The following DPYSL5 variants were observed in gnomAD, a reference collection of about 807,000 sequenced individuals.
DPYSL5 encodes the protein dihydropyrimidinase like 5.
A neutral mutation model predicts 58.4 loss-of-function variants in DPYSL5; 9 were observed. The observed-to-expected ratio is 0.15, with a 90% CI of 0.09 to 0.27. The LOEUF is 0.27. DPYSL5 is among the 10% of genes least tolerant of loss of function. The pLI, the probability that DPYSL5 is intolerant of heterozygous loss-of-function variation, is 1.00. For missense variants in DPYSL5, 499 were observed against 770.6 expected (o/e 0.65, Z 4.17); for synonymous variants, 293 against 301.9 (o/e 0.97, Z 0.31).
intron 2 of DPYSL5, among the ~76,000 whole-genome samples, chr2:26,911,795 C>T (rs1334536979): frequency 6.6e-6 from 1 of 152,166 alleles, no homozygotes; most frequent in Non-Finnish European, 1.5e-5. Context: ...TGGGCTGGAG[C>T]TTCTCTTTTC....
chr2:26,865,312 C>CTT lies in DPYSL5; in HGVS notation c.-5+17083_-5+17084dup, dbSNP rs1192892146. 5.5e-4 allele frequency among the ~76,000 whole-genome samples: 49 copies of CTT among 89,572 alleles called. 1 individual carries two copies. Among genetic ancestry groups the CTT allele is most frequent in the East Asian group, 7.8e-4 (2 of 2,552 alleles). The allele number at this position is 89,572 out of a possible 152,430, so 58.8% of individuals were successfully genotyped here. On this transcript the variant is annotated intron_variant, in intron 1 of 12. Coordinates refer to ENST00000288699, the MANE Select transcript of DPYSL5 (RefSeq NM_020134.4). ...AGATGTGGAGATAGGGTTTTGTGTT[C>CTT]TTTTTTTTTTTTTTTTTTTTTTTTT...
In DPYSL5 at chr2:26,898,689, G is replaced by A. The variant is rs751179282; in HGVS notation, c.190G>A (p.Asp64Asn). 1.2e-6 allele frequency: 2 copies of A among 1,614,140 alleles called. No individual in the cohort carries two copies. The highest frequency in any genetic ancestry group is 8.5e-7 in the Non-Finnish European group (1 of 1,180,010). ...AAAACTGGTGATCCCTGGTGGCATC[G>A]ACACCAGCACCCACTTCCACCAGAC... ...TGKLVIPGGI[D>N]TSTHFHQTFM... Residue 64 changes from aspartate (D) to asparagine (N), a missense_variant, in exon 2 of 13, where the codon GAC becomes AAC. Physicochemically the swap from Asp to Asn is conservative, Grantham distance 23. Transcript: ENST00000288699. The surrounding 1 kb of genome is among the most constrained non-coding windows in gnomAD (Gnocchi z 6.1).
At chr2:26,870,997 C>T (rs1326856881) in intron 1 of DPYSL5, among the ~76,000 whole-genome samples, 1 of 152,214 alleles carries the variant, frequency 6.6e-6, no homozygotes, top group Admixed American at 6.5e-5. Context: ...CTCAGTCATA[C>T]GAACCACCTT....
intron 5 of DPYSL5, among the ~76,000 whole-genome samples, chr2:26,928,965 T>A (rs1664901651): frequency 6.6e-6 from 1 of 151,670 alleles, no homozygotes; most frequent in African/African-American, 2.4e-5. Context: ...GGGATGACAT[T>A]CCTTTGAGCA....
intron 2 of DPYSL5, among the ~76,000 whole-genome samples, chr2:26,907,673 T>A (rs1664330306): frequency 6.6e-6 from 1 of 152,116 alleles, no homozygotes; most frequent in South Asian, 2.1e-4. Context: ...GCCATCTCTC[T>A]CCACCCCTGC....
chr2:26,936,774 T>A (rs1395034112), intron 8 of DPYSL5, among the ~76,000 whole-genome samples: 1 of 151,204 alleles, frequency 6.6e-6, no homozygotes, highest in Non-Finnish European at 1.5e-5. Context: ...GGTAAAATCC[T>A]GTCTCTACTA....
In DPYSL5 at chr2:26,934,427, C is replaced by A; in HGVS notation, c.791-151C>A. The A allele has an allele frequency of 1.1e-6, 1 of 921,106 alleles. No homozygotes were observed. The highest frequency in any genetic ancestry group is 1.8e-5 in the South Asian group (1 of 55,816). 57.1% of individuals were successfully genotyped at this position (921,106 alleles called of 1,614,324 possible). A position where few individuals can be genotyped will look rare whatever the true frequency, so the allele number is the denominator to read the frequency against. ...AATAGGGAGGCTCTCTGGGCTTGAA[C>A]CCAGCTGTGCTCTTAAAAGCCCTGT... On this transcript the variant is annotated intron_variant, in intron 7 of 12. Transcript: ENST00000288699. This position sits in a 1 kb window ranked among gnomAD's most constrained non-coding sequence, Gnocchi z 4.3.
In DPYSL5 at chr2:26,949,711, G is replaced by A. The variant is rs1343674282; in HGVS notation, c.*2716G>A. The A allele has an allele frequency of 6.6e-6, 1 of 152,254 alleles. No homozygotes were observed. Among genetic ancestry groups the A allele is most frequent in the African/African-American group, 2.4e-5 (1 of 41,424 alleles). 9.4% of individuals were successfully genotyped at this position (152,254 alleles called of 1,614,324 possible). A position where few individuals can be genotyped will look rare whatever the true frequency, so the allele number is the denominator to read the frequency against. Reference sequence around the variant, plus strand: ...AGGCCATGCGCTTCATCCACCCCCAGTCCCTACATAGGCCCTACCCTTGCC... The same window carrying A: ...AGGCCATGCGCTTCATCCACCCCCAATCCCTACATAGGCCCTACCCTTGCC... On this transcript the variant is annotated 3_prime_UTR_variant, in exon 13 of 13. Transcript: ENST00000288699.
At position 26,944,963 on chromosome 2, in the gene DPYSL5, G is replaced by A; in HGVS notation, c.1609+139G>A. ...ATTTCCAGGGATGAGTGCTGGTTTG[G>A]ATATTAGACTCACATAGACATTAGT... is the stretch of plus-strand genomic sequence containing the variant. On this transcript the variant is annotated intron_variant, in intron 12 of 12. Coordinates refer to ENST00000288699, the MANE Select transcript of DPYSL5 (RefSeq NM_020134.4). The surrounding 1 kb of genome is among the most constrained non-coding windows in gnomAD (Gnocchi z 4.4). 1 of 822,436 alleles carries A rather than the reference G, an allele frequency of 1.2e-6. No individual in the cohort carries two copies. Among genetic ancestry groups the A allele is most frequent in the Non-Finnish European group, 1.9e-6 (1 of 532,650 alleles). The allele number at this position is 822,436 out of a possible 1,614,324, so 50.9% of individuals were successfully genotyped here.
chr2:26,933,227 C>G lies in DPYSL5; in HGVS notation c.715-31C>G. ...TGCTTGTGAAGTTTATGGGTCAACC[C>G]TCCCTACTTCCCACTGTTTCTTGTG... On this transcript the variant is annotated intron_variant, in intron 6 of 12. Coordinates refer to ENST00000288699, the MANE Select transcript of DPYSL5 (RefSeq NM_020134.4). This position sits in a 1 kb window ranked among gnomAD's most constrained non-coding sequence, Gnocchi z 4.2. 3 of 1,607,204 alleles carry G rather than the reference C, an allele frequency of 1.9e-6. No individual in the cohort carries two copies. Among genetic ancestry groups the G allele is most frequent in the Non-Finnish European group, 2.6e-6 (3 of 1,173,686 alleles).
rs570556616 is a variant in DPYSL5, at chr2:26,943,169, T to C, written c.1440+419T>C. ...TAGAGCTGGCATTTGCAAAGCATTG[T>C]CTGAAGCACAGGAGGAGCAGGCACC... On this transcript the variant is annotated intron_variant, in intron 11 of 12. Coordinates refer to ENST00000288699, the MANE Select transcript of DPYSL5 (RefSeq NM_020134.4). 3.3e-5 allele frequency among the ~76,000 whole-genome samples: 5 copies of C among 152,198 alleles called. No homozygotes were observed. In the Middle Eastern group the frequency reaches 0.01, roughly 311 times the overall value.
At chr2:26,880,749 T>C (rs1663540222) in intron 1 of DPYSL5, among the ~76,000 whole-genome samples, 1 of 152,184 alleles carries the variant, frequency 6.6e-6, no homozygotes, top group African/African-American at 2.4e-5. Context: ...CACTCACAGC[T>C]CAGAGTCCGT....
At chr2:26,854,326 G>A (rs1180309244) in intron 1 of DPYSL5, among the ~76,000 whole-genome samples, 3 of 152,126 alleles carry the variant, frequency 2.0e-5, no homozygotes, top group African/African-American at 7.2e-5. Context: ...AGGCATGGTG[G>A]CATATACCTG....
chr2:26,940,983 C>A lies in DPYSL5; in HGVS notation c.1089+811C>A, dbSNP rs929244260. 4.7e-5 allele frequency among the ~76,000 whole-genome samples: 7 copies of A among 148,778 alleles called. No individual in the cohort carries two copies. In the South Asian group the frequency reaches 1.5e-3, roughly 32 times the overall value. On this transcript the variant is annotated intron_variant, in intron 9 of 12. Transcript: ENST00000288699. ...ATAGAATCTCCCTCTGTTGCCCGGGCTGGAGTACAATGGCGCTGTCTCGGC... is the reference window on the plus strand; with the variant it reads ...ATAGAATCTCCCTCTGTTGCCCGGGATGGAGTACAATGGCGCTGTCTCGGC...
intron 6 of DPYSL5, among the ~76,000 whole-genome samples, chr2:26,932,529 C>T (rs1055672204): frequency 1.4e-4 from 21 of 152,312 alleles, no homozygotes; most frequent in African/African-American, 4.8e-4. Context: ...GAGCTCTGGC[C>T]GCTGGACAAG....
Position 26,944,917 on chromosome 2 carries a change from C to T in DPYSL5, c.1609+93C>T. ...CTTACGCCTGCTTTTCTTTTGTGTCCTCTCCTCCCTCCCGTTGCCTATTTC... is the reference window on the plus strand; with the variant it reads ...CTTACGCCTGCTTTTCTTTTGTGTCTTCTCCTCCCTCCCGTTGCCTATTTC... On this transcript the variant is annotated intron_variant, in intron 12 of 12. Transcript: ENST00000288699. This position sits in a 1 kb window ranked among gnomAD's most constrained non-coding sequence, Gnocchi z 4.4. The T allele has an allele frequency of 8.3e-7, 1 of 1,210,670 alleles. No individual in the cohort carries two copies. Among genetic ancestry groups the T allele is most frequent in the Non-Finnish European group, 1.2e-6 (1 of 854,640 alleles). The allele number at this position is 1,210,670 out of a possible 1,614,324, so 75.0% of individuals were successfully genotyped here.
chr2:26,850,981 CAT>C (rs968801481), intron 1 of DPYSL5, among the ~76,000 whole-genome samples: 33 of 145,910 alleles, frequency 2.3e-4, no homozygotes, highest in African/African-American at 2.2e-4. Flanking sequence ...TATATACACA[CAT>C]ATATATATAC....
At chr2:26,873,781 CA>C (rs1161951487) in intron 1 of DPYSL5, among the ~76,000 whole-genome samples, 1 of 152,202 alleles carries the variant, frequency 6.6e-6, no homozygotes, top group Non-Finnish European at 1.5e-5. Flanking sequence ...AGACGATGTC[CA>C]CCCACACTGG....
chr2:26,948,073 CCA>C lies in DPYSL5; in HGVS notation c.*1114_*1115del, dbSNP rs67138052. The C allele has an allele frequency of 0.42, 59,868 of 143,444 alleles. 12,714 individuals are homozygous for C. The highest frequency in any genetic ancestry group is 0.56 in the East Asian group (2,686 of 4,790). The allele number at this position is 143,444 out of a possible 1,614,324, so 8.9% of individuals were successfully genotyped here. On this transcript the variant is annotated 3_prime_UTR_variant, in exon 13 of 13. Coordinates refer to ENST00000288699, the MANE Select transcript of DPYSL5 (RefSeq NM_020134.4). ...TGCCTTCCCCTGTCTTCACCTGCCA[CCA>C]CACACACACACACACACACACACAC...
Sources: allele counts gnomAD v4.1 joint callset (sites outside exome capture counted in the v4.1 genomes callset), GRCh38; gene constraint gnomAD v4.1.1; non-coding constraint Gnocchi (gnomAD v3.1); transcripts MANE v1.5; gene names NCBI Gene and HGNC (gene_info 2026-07-23, HGNC 2026-07-21).